The following PARD3B variants were observed in gnomAD, a reference collection of about 807,000 sequenced individuals.
PARD3B encodes the protein partitioning defective 3 homolog B.
Under a neutral mutation model 130.2 loss-of-function variants are expected in PARD3B, and 103 were observed. That is an observed-to-expected ratio of 0.79 (90% CI 0.67 to 0.93). The LOEUF is 0.93. Ranked by LOEUF, PARD3B falls within the 40% of genes least tolerant of loss-of-function variation. PARD3B has a pLI of 0.00. For missense variants in PARD3B, 1,609 were observed against 1,499.2 expected (o/e 1.07, Z -1.21); for synonymous variants, 583 against 553.2 (o/e 1.05, Z -0.76).
intron 20 of PARD3B, among the ~76,000 whole-genome samples, chr2:205,464,393 C>T (rs936810206): frequency 2.0e-5 from 3 of 152,230 alleles, no homozygotes; most frequent in East Asian, 1.9e-4. Flanking sequence ...CTACTTCTCT[C>T]GTAGACTGGG....
intron 4 of PARD3B, among the ~76,000 whole-genome samples, chr2:205,050,664 A>G (rs1699128366): frequency 6.6e-6 from 1 of 152,032 alleles, no homozygotes; most frequent in Admixed American, 6.6e-5. Context: ...TATATTAGGT[A>G]TATTGGCTTG....
At chr2:204,593,746 G>C (rs2033169020) in intron 1 of PARD3B, among the ~76,000 whole-genome samples, 1 of 152,142 alleles carries the variant, frequency 6.6e-6, no homozygotes, top group South Asian at 2.1e-4. Context: ...CTTCACTCCA[G>C]GTCCTGCAGC....
At chr2:205,527,126 G>C (rs2051372649) in intron 21 of PARD3B, among the ~76,000 whole-genome samples, 1 of 152,156 alleles carries the variant, frequency 6.6e-6, no homozygotes, top group South Asian at 2.1e-4. Flanking sequence ...TCAGTTCCCA[G>C]GATAGCATTC....
At chr2:204,560,141 A>G (rs978344536) in intron 1 of PARD3B, among the ~76,000 whole-genome samples, 1 of 152,174 alleles carries the variant, frequency 6.6e-6, no homozygotes, top group Non-Finnish European at 1.5e-5. Context: ...TACCTATGTA[A>G]TGAGCCTGCA....
chr2:205,361,503 AT>A (rs2044388278), intron 18 of PARD3B, among the ~76,000 whole-genome samples: 1 of 152,116 alleles, frequency 6.6e-6, no homozygotes, highest in Non-Finnish European at 1.5e-5. Context: ...AGAATACCTC[AT>A]TTCTAACACA....
chr2:205,069,396 A>G (rs571183597), intron 4 of PARD3B, among the ~76,000 whole-genome samples: 2 of 152,058 alleles, frequency 1.3e-5, no homozygotes, highest in African/African-American at 2.4e-5. Flanking sequence ...CTGATAATCT[A>G]TGTATTTAAA....
chr2:205,262,863 C>A (rs765493703), intron 16 of PARD3B, among the ~76,000 whole-genome samples: 45 of 152,054 alleles, frequency 3.0e-4, no homozygotes, highest in Non-Finnish European at 5.6e-4. Context: ...CAGGTGCTGA[C>A]AAATAATTTT....
intron 16 of PARD3B, among the ~76,000 whole-genome samples, chr2:205,290,714 G>A (rs138702132): frequency 0.012 from 1,840 of 152,292 alleles, 19 homozygotes; most frequent in Non-Finnish European, 0.021. Flanking sequence ...TAGACAAAAT[G>A]TTTGTTTCCC....
chr2:204,799,789 C>T lies in PARD3B; in HGVS notation c.222+113507C>T, dbSNP rs773117123. ...CCAAGATGGTACCTGTACAAGTCTGCAAAAGCCATAGTATTATTGGACTGA... is the reference window on the plus strand; with the variant it reads ...CCAAGATGGTACCTGTACAAGTCTGTAAAAGCCATAGTATTATTGGACTGA... On this transcript the variant is annotated intron_variant, in intron 2 of 22. Coordinates refer to ENST00000406610, the MANE Select transcript of PARD3B (RefSeq NM_001302769.2). The surrounding 1 kb of genome is among the most constrained non-coding windows in gnomAD (Gnocchi z 4.1). Among the ~76,000 whole-genome samples the T allele has an allele frequency of 4.6e-5, 7 of 152,164 alleles. No homozygotes were observed. Among genetic ancestry groups the T allele is most frequent in the Non-Finnish European group, 7.3e-5 (5 of 68,040 alleles).
chr2:205,469,175 C>T (rs1372122648), intron 20 of PARD3B, among the ~76,000 whole-genome samples: 1 of 152,120 alleles, frequency 6.6e-6, no homozygotes, highest in East Asian at 1.9e-4. Context: ...GTTCCTAAAG[C>T]ATTGGGTAGT....
chr2:204,557,984 T>C (rs944934177), intron 1 of PARD3B: 1 of 152,226 alleles, frequency 6.6e-6, no homozygotes, highest in African/African-American at 2.4e-5. Flanking sequence ...TAAAATTATC[T>C]GGACTACCTC....
In PARD3B at chr2:205,301,622, G is replaced by A. The variant is rs778380195; in HGVS notation, c.2551G>A (p.Val851Ile). ...GAAAAAGGAAAAGGGCAAATTGAAA[G>A]TCAAGGAGAAAAAGCGCAAAGAGGA... ...EKKKEKGKLK[V>I]KEKKRKEENE... The change falls in exon 18 of 23, where the codon GTC becomes ATC. Residue 851 changes from valine (V) to isoleucine (I), a missense_variant. Transcript: ENST00000406610. The surrounding 1 kb of genome is among the most constrained non-coding windows in gnomAD (Gnocchi z 5.2). 32 of 1,613,436 alleles carry A rather than the reference G, an allele frequency of 2.0e-5. No homozygotes were observed. The highest frequency in any genetic ancestry group is 3.3e-5 in the Admixed American group (2 of 59,928).
rs891993694 is a variant in PARD3B, at chr2:205,281,962, T to G, written c.2186-18568T>G. 1.1e-4 allele frequency among the ~76,000 whole-genome samples: 17 copies of G among 152,362 alleles called. No individual in the cohort carries two copies. In the East Asian group the frequency reaches 1.3e-3, roughly 12 times the overall value. The stretch of plus-strand genomic sequence containing the variant: ...ACACATCAGTAGCTTTTGTTCACTT[T>G]GTTGAAAATTTCCCATTCGTTTTCT... On this transcript the variant is annotated intron_variant, in intron 16 of 22. Coordinates refer to ENST00000406610, the MANE Select transcript of PARD3B (RefSeq NM_001302769.2). This position sits in a 1 kb window ranked among gnomAD's most constrained non-coding sequence, Gnocchi z 4.2.
chr2:204,789,207 C>T (rs181920310), intron 2 of PARD3B, among the ~76,000 whole-genome samples: 1 of 152,028 alleles, frequency 6.6e-6, no homozygotes, highest in Non-Finnish European at 1.5e-5. Context: ...TAGGTGTGCA[C>T]CACCATGACT....
At chr2:205,173,466 C>T (rs2035291835) in intron 12 of PARD3B, among the ~76,000 whole-genome samples, 1 of 152,140 alleles carries the variant, frequency 6.6e-6, no homozygotes, top group Non-Finnish European at 1.5e-5. Context: ...CTTAATGTGT[C>T]CTTGGTTTCC....
intron 20 of PARD3B, among the ~76,000 whole-genome samples, chr2:205,491,961 G>C (rs1363387136): frequency 6.6e-6 from 1 of 152,144 alleles, no homozygotes; most frequent in Non-Finnish European, 1.5e-5. Flanking sequence ...ATGTATTATT[G>C]TGATTTTCAG....
At chr2:204,976,194 G>T (rs1189394423) in intron 3 of PARD3B, among the ~76,000 whole-genome samples, 2 of 152,170 alleles carry the variant, frequency 1.3e-5, no homozygotes, top group Admixed American at 1.3e-4. Flanking sequence ...GCAATGGAAT[G>T]TTTCCAAAAG....
intron 21 of PARD3B, among the ~76,000 whole-genome samples, chr2:205,541,262 C>G (rs1201746137): frequency 6.6e-6 from 1 of 151,566 alleles, no homozygotes; most frequent in Non-Finnish European, 1.5e-5. Flanking sequence ...CTCTGTTTCT[C>G]TGGGTTTTTT....
chr2:205,187,468 T>C lies in PARD3B; in HGVS notation c.2024+1605T>C, dbSNP rs987983156. Among the ~76,000 whole-genome samples, 2 of 152,162 alleles carry C rather than the reference T, an allele frequency of 1.3e-5. No individual in the cohort carries two copies. The highest frequency in any genetic ancestry group is 4.8e-5 in the African/African-American group (2 of 41,436). On this transcript the variant is annotated intron_variant, in intron 14 of 22. Transcript: ENST00000406610. This position sits in a 1 kb window ranked among gnomAD's most constrained non-coding sequence, Gnocchi z 4.9. Reference sequence around the variant, plus strand: ...CATGGATTGGGTGAATGGAAGAGGTTTGATATCCCCTGGAAGCCAGGACTC... The same window carrying C: ...CATGGATTGGGTGAATGGAAGAGGTCTGATATCCCCTGGAAGCCAGGACTC...
Sources: gnomAD v4.1 joint callset for allele counts (sites outside exome capture counted in the v4.1 genomes callset) on GRCh38, gnomAD v4.1.1 for gene constraint, Gnocchi (gnomAD v3.1) non-coding constraint, MANE v1.5 for transcripts, NCBI Gene and HGNC (gene_info 2026-07-23, HGNC 2026-07-21) for gene names.